Variants in MAPK10 observed in about 807,000 individuals in gnomAD.
MAPK10 encodes mitogen-activated protein kinase 10, also known as JNK3 alpha protein kinase.
In MAPK10, 25 loss-of-function variants were observed where a neutral mutation model predicts 59.3. The observed-to-expected ratio is 0.42, with a 90% CI of 0.31 to 0.59. MAPK10 has a LOEUF of 0.59. MAPK10 is among the 20% of genes least tolerant of loss of function. The pLI is 0.15. For synonymous variants in MAPK10, 190 were observed against 200.5 expected (o/e 0.95, Z 0.44); for missense variants, 351 against 568.9 (o/e 0.62, Z 3.90).
chr4:86,561,151 A>C (rs551997596), intron 1 of MAPK10, among the ~76,000 whole-genome samples: 1 of 152,170 alleles, frequency 6.6e-6, no homozygotes, highest in Admixed American at 6.5e-5. Context: ...AGTAGGGTTC[A>C]TGCTCCTATG....
At chr4:86,494,113 C>T (rs773070480) in intron 1 of MAPK10, among the ~76,000 whole-genome samples, 3 of 152,196 alleles carry the variant, frequency 2.0e-5, no homozygotes, top group African/African-American at 4.8e-5. Flanking sequence ...AGTTCTCTGG[C>T]TTCTTTCTCC....
chr4:86,508,410 C>T (rs1049755692), intron 1 of MAPK10, among the ~76,000 whole-genome samples: 2 of 152,164 alleles, frequency 1.3e-5, no homozygotes. Flanking sequence ...TTGCATCCCT[C>T]CTGGGACTAT....
At chr4:86,343,817 T>C (rs966549543) in intron 2 of MAPK10, among the ~76,000 whole-genome samples, 2 of 152,204 alleles carry the variant, frequency 1.3e-5, no homozygotes, top group Non-Finnish European at 2.9e-5. Flanking sequence ...ATTAACCAGA[T>C]TGGCAAAAGT....
At chr4:86,143,027 T>G (rs1444652078) in intron 4 of MAPK10, among the ~76,000 whole-genome samples, 1 of 152,194 alleles carries the variant, frequency 6.6e-6, no homozygotes, top group Non-Finnish European at 1.5e-5. Flanking sequence ...GAAAGAGGTT[T>G]AATTGACTCG....
intron 1 of MAPK10, among the ~76,000 whole-genome samples, chr4:86,403,741 A>G (rs1043761715): frequency 6.6e-6 from 1 of 152,130 alleles, no homozygotes; most frequent in African/African-American, 2.4e-5. Flanking sequence ...AGATCTCGTG[A>G]TACTCACTCA....
intron 1 of MAPK10, among the ~76,000 whole-genome samples, chr4:86,380,560 C>A (rs1485044264): frequency 6.6e-6 from 1 of 152,136 alleles, no homozygotes; most frequent in South Asian, 2.1e-4. Context: ...AATCACCAAC[C>A]TTTAGGGCAT....
chr4:86,331,331 A>G (rs1472666649), intron 2 of MAPK10, among the ~76,000 whole-genome samples: 1 of 152,132 alleles, frequency 6.6e-6, no homozygotes, highest in African/African-American at 2.4e-5. Context: ...AGGAACATAC[A>G]TTTTCTCACT....
chr4:86,365,261 G>A (rs889274729), intron 1 of MAPK10, among the ~76,000 whole-genome samples: 30 of 151,270 alleles, frequency 2.0e-4, no homozygotes, highest in African/African-American at 7.0e-4. Context: ...GCAAAACCCC[G>A]TCTCTACTAA....
chr4:86,142,134 C>G (rs2063771597), intron 4 of MAPK10, among the ~76,000 whole-genome samples: 1 of 152,188 alleles, frequency 6.6e-6, no homozygotes, highest in Non-Finnish European at 1.5e-5. Flanking sequence ...AACCTAAACA[C>G]TTCCCACTAG....
chr4:86,063,636 A>C (rs2046159842), intron 11 of MAPK10, among the ~76,000 whole-genome samples: 1 of 152,140 alleles, frequency 6.6e-6, no homozygotes. Context: ...GTTGAACAGA[A>C]GATAGTAAAT....
intron 2 of MAPK10, among the ~76,000 whole-genome samples, chr4:86,288,766 T>C (rs1027132918): frequency 6.6e-6 from 1 of 152,096 alleles, no homozygotes; most frequent in Non-Finnish European, 1.5e-5. Flanking sequence ...AACTTCTCAT[T>C]AGATACAATT....
chr4:86,495,687 A>G (rs1754820086), intron 1 of MAPK10, among the ~76,000 whole-genome samples: 1 of 152,126 alleles, frequency 6.6e-6, no homozygotes, highest in Admixed American at 6.6e-5. Context: ...ATATCTTTTA[A>G]TTTTCATGTT....
At chr4:86,340,401 A>C (rs1202486354) in intron 2 of MAPK10, 1 of 152,932 alleles carries the variant, frequency 6.5e-6, no homozygotes, top group Non-Finnish European at 1.5e-5. Flanking sequence ...TCATGGCAGA[A>C]GGTGAAGGGG....
At chr4:86,409,244 G>C (rs187380947) in intron 1 of MAPK10, among the ~76,000 whole-genome samples, 2 of 152,152 alleles carry the variant, frequency 1.3e-5, no homozygotes, top group East Asian at 3.9e-4. Context: ...GGCCTGTTCT[G>C]TTCCATTAGT....
At chr4:86,346,220 A>C (rs1370482108) in intron 2 of MAPK10, among the ~76,000 whole-genome samples, 1 of 152,184 alleles carries the variant, frequency 6.6e-6, no homozygotes, top group Non-Finnish European at 1.5e-5. Flanking sequence ...CATGATATAA[A>C]GGTGTCACAA....
intron 2 of MAPK10, among the ~76,000 whole-genome samples, chr4:86,255,817 C>T (rs2093684474): frequency 6.6e-6 from 1 of 152,080 alleles, no homozygotes; most frequent in Admixed American, 6.6e-5. Flanking sequence ...TGTTATTTGT[C>T]TCATCTTAGA....
chr4:86,323,624 G>T (rs546830749), intron 2 of MAPK10, among the ~76,000 whole-genome samples: 2 of 152,204 alleles, frequency 1.3e-5, no homozygotes, highest in East Asian at 1.9e-4. Context: ...AATTAGAAAA[G>T]AATTAAACTA....
At chr4:86,220,849 C>G (rs1185423736) in intron 2 of MAPK10, among the ~76,000 whole-genome samples, 1 of 152,188 alleles carries the variant, frequency 6.6e-6, no homozygotes, top group Non-Finnish European at 1.5e-5. Flanking sequence ...AAACTCTAGG[C>G]TCTCTATAAC....
chr4:86,428,588 A>G (rs190341276), intron 1 of MAPK10, among the ~76,000 whole-genome samples: 21 of 152,338 alleles, frequency 1.4e-4, no homozygotes, highest in Admixed American at 1.3e-3. Context: ...AGACAGATAG[A>G]CAGATAGATA....
Sources: gnomAD v4.1 joint callset for allele counts (sites outside exome capture counted in the v4.1 genomes callset) on GRCh38, gnomAD v4.1.1 for gene constraint, MANE v1.5 for transcripts, NCBI Gene and HGNC (gene_info 2026-07-23, HGNC 2026-07-21) for gene names.